The following FAM83G variants were observed in gnomAD, a reference collection of about 807,000 sequenced individuals.
FAM83G encodes protein FAM83G.
FAM83G carries 38 observed loss-of-function variants against 61.5 expected under a neutral mutation model. The ratio of observed to expected loss-of-function variants is 0.62; its 90% CI spans 0.48 to 0.81. The LOEUF (loss-of-function observed/expected upper bound fraction) is 0.81, where lower values mean the gene tolerates loss of function less well. Ranked by LOEUF, FAM83G falls within the 30% of genes least tolerant of loss-of-function variation. The pLI is 0.00. For missense variants in FAM83G, 989 were observed against 1,133.6 expected (o/e 0.87, Z 1.83); for synonymous variants, 470 against 476.1 (o/e 0.99, Z 0.17).
chr17:19,002,661 C>A (rs866572386), intron 2 of FAM83G, among the ~76,000 whole-genome samples: 2 of 152,206 alleles, frequency 1.3e-5, no homozygotes, highest in Non-Finnish European at 2.9e-5. Context: ...TGAGAAGGTA[C>A]TTACGTGCAG....
At chr17:18,995,025 C>T (rs1294099412) in intron 2 of FAM83G, among the ~76,000 whole-genome samples, 1 of 152,208 alleles carries the variant, frequency 6.6e-6, no homozygotes, top group East Asian at 1.9e-4. Context: ...AGTAACCTAA[C>T]TGCATCCCAG....
At chr17:18,973,888 T>TG (rs2042915835) in intron 5 of FAM83G, among the ~76,000 whole-genome samples, 1 of 116,894 alleles carries the variant, frequency 8.6e-6, no homozygotes, top group Admixed American at 8.1e-5. Flanking sequence ...TTTTAAGTTT[T>TG]TTTTTTTTTT....
chr17:18,975,263 C>T (rs1597841845), intron 5 of FAM83G, among the ~76,000 whole-genome samples: 1 of 152,360 alleles, frequency 6.6e-6, no homozygotes, highest in Non-Finnish European at 1.5e-5. Context: ...AGGACAGCAG[C>T]TTGCCCTGCG....
In FAM83G at chr17:19,004,122, G is replaced by A; in HGVS notation, c.-81C>T. 7.3e-7 allele frequency: 1 copy of A among 1,370,118 alleles called. No individual in the cohort carries two copies. Among genetic ancestry groups the A allele is most frequent in the Non-Finnish European group, 9.9e-7 (1 of 1,008,926 alleles). The allele number at this position is 1,370,118 out of a possible 1,614,324, so 84.9% of individuals were successfully genotyped here. A position where few individuals can be genotyped will look rare whatever the true frequency, so the allele number is the denominator to read the frequency against. ...AGCTCCGGCCCAGCTGGGGCACCGC[G>A]CGCTCGGGGGCCTCTCCGCGGCCTC... On this transcript the variant is annotated 5_prime_UTR_variant, in exon 2 of 6. Transcript: ENST00000388995. The surrounding 1 kb of genome is among the most constrained non-coding windows in gnomAD (Gnocchi z 5.4).
intron 2 of FAM83G, among the ~76,000 whole-genome samples, chr17:18,990,108 C>T (rs559838301): frequency 2.6e-4 from 40 of 152,292 alleles, no homozygotes; most frequent in Admixed American, 1.1e-3. Flanking sequence ...GCAGGGTCTA[C>T]GACTCGCAGG....
Position 18,979,553 on chromosome 17 carries a change from A to G in FAM83G, c.811T>C (p.Tyr271His). Residue 271 changes from tyrosine (Y) to histidine (H), a missense_variant, in exon 4 of 6, where the codon TAC (tyrosine) becomes CAC (histidine). Tyr to His is a moderately conservative substitution (Grantham distance 83). Transcript: ENST00000388995. ...VDGDRAVCGSYSFTWSAARTD... is the reference protein window; with the variant it reads ...VDGDRAVCGSHSFTWSAARTD... The stretch of plus-strand genomic sequence containing the variant: ...CCCTGAAAGCTGGAGAGTCACCTGT[A>G]GGAGCCGCACACAGCCCGGTCTCCA... 6.2e-7 allele frequency: 1 copy of G among 1,613,160 alleles called. No homozygotes were observed. The highest frequency in any genetic ancestry group is 8.5e-7 in the Non-Finnish European group (1 of 1,179,850).
intron 2 of FAM83G, among the ~76,000 whole-genome samples, chr17:18,995,212 A>G (rs1567802388): frequency 6.6e-6 from 1 of 152,238 alleles, no homozygotes; most frequent in East Asian, 1.9e-4. Context: ...CAGATGTTAG[A>G]ACTGGCAGAT....
At chr17:18,985,532 A>G (rs2043248115) in intron 3 of FAM83G, among the ~76,000 whole-genome samples, 1 of 152,012 alleles carries the variant, frequency 6.6e-6, no homozygotes, top group Admixed American at 6.5e-5. Context: ...CGGCAAAGGA[A>G]GTGCTCCCGG....
intron 3 of FAM83G, among the ~76,000 whole-genome samples, chr17:18,986,671 C>A (rs1477653335): frequency 6.6e-6 from 1 of 152,248 alleles, no homozygotes; most frequent in Non-Finnish European, 1.5e-5. Context: ...GAAGGCGAGG[C>A]CTCTGGAGTG....
intron 4 of FAM83G, 106 bp from the exon 5 acceptor site, chr17:18,978,956 T>C: frequency 7.6e-7 from 1 of 1,316,124 alleles, no homozygotes. Flanking sequence ...CACAGGGCCC[T>C]GGGATCAAGA....
chr17:18,987,914 C>T (rs2043311283), intron 3 of FAM83G, among the ~76,000 whole-genome samples: 2 of 152,228 alleles, frequency 1.3e-5, no homozygotes, highest in Non-Finnish European at 2.9e-5. Context: ...AGCACACTAT[C>T]ACCAGAGGTA....
intron 2 of FAM83G, among the ~76,000 whole-genome samples, chr17:18,999,496 C>T (rs994620778): frequency 4.6e-5 from 7 of 152,134 alleles, no homozygotes; most frequent in South Asian, 2.1e-4. Flanking sequence ...TTGCCATCTC[C>T]GAGCCCCACC....
Position 19,000,426 on chromosome 17 carries a change from G to A in FAM83G, c.522+3094C>T, listed in dbSNP as rs1222309742. Among the ~76,000 whole-genome samples the A allele has an allele frequency of 1.3e-5, 2 of 152,206 alleles. No individual in the cohort carries two copies. The highest frequency in any genetic ancestry group is 3.2e-3 in the Middle Eastern group (1 of 316). On this transcript the variant is annotated intron_variant, in intron 2 of 5. Coordinates refer to ENST00000388995, the MANE Select transcript of FAM83G (RefSeq NM_001039999.3). This position sits in a 1 kb window ranked among gnomAD's most constrained non-coding sequence, Gnocchi z 5.2. Reference sequence around the variant, plus strand: ...GGGCTTGTTCCAGGTCCCACAGTCAGGCAGAGGCAGAGCACGGACTCTTGG... The same window carrying A: ...GGGCTTGTTCCAGGTCCCACAGTCAAGCAGAGGCAGAGCACGGACTCTTGG...
chr17:18,980,343 C>T (rs768667083), intron 3 of FAM83G, among the ~76,000 whole-genome samples: 1 of 152,092 alleles, frequency 6.6e-6, no homozygotes, highest in Admixed American at 6.5e-5. Context: ...AATTCTGTGC[C>T]GGCTTACACT....
intron 2 of FAM83G, among the ~76,000 whole-genome samples, chr17:18,992,285 C>T (rs567406755): frequency 1.3e-5 from 2 of 152,154 alleles, no homozygotes; most frequent in Non-Finnish European, 2.9e-5. Flanking sequence ...GGACATCCGC[C>T]TCCATGTGAG....
At position 18,978,405 on chromosome 17, in the gene FAM83G, G is replaced by A. The variant is rs776341618; in HGVS notation, c.1261C>T (p.Pro421Ser). The A allele has an allele frequency of 6.3e-7, 1 of 1,591,098 alleles. No individual in the cohort carries two copies. The highest frequency in any genetic ancestry group is 1.1e-5 in the South Asian group (1 of 88,770). The change falls in exon 5 of 6, where the codon CCT (proline) becomes TCT (serine). Residue 421 changes from proline to serine, a missense_variant. Transcript: ENST00000388995. ...LPTWVEPDPEPGSDILGYINI... is the reference protein window; with the variant it reads ...LPTWVEPDPESGSDILGYINI... The stretch of plus-strand genomic sequence containing the variant: ...ATGTAGCCCAGGATGTCGCTGCCAG[G>A]CTCCGGGTCTGGCTCCACCCACGTG...
chr17:18,980,220 T>A (rs933142277), intron 3 of FAM83G, among the ~76,000 whole-genome samples: 4 of 152,156 alleles, frequency 2.6e-5, no homozygotes, highest in African/African-American at 9.7e-5. Context: ...TCAACACCCC[T>A]GTCTCTGCTG....
chr17:18,969,472 T>A lies in FAM83G; in HGVS notation c.*1887A>T. 1 of 1,557,066 alleles carries A rather than the reference T, an allele frequency of 6.4e-7. No individual in the cohort carries two copies. Among genetic ancestry groups the A allele is most frequent in the Non-Finnish European group, 8.8e-7 (1 of 1,131,128 alleles). On this transcript the variant is annotated 3_prime_UTR_variant, in exon 6 of 6. Coordinates refer to ENST00000388995, the MANE Select transcript of FAM83G (RefSeq NM_001039999.3). ...GCGGGGCTGTCCCCACAGCGAGCCC[T>A]TTGGAGTCTGGCACTGCCCGGCACT...
Position 18,978,290 on chromosome 17 carries a change from T to A in FAM83G, c.1376A>T (p.His459Leu). 1 of 1,610,890 alleles carries A rather than the reference T, an allele frequency of 6.2e-7. No individual in the cohort carries two copies. The change falls in exon 5 of 6, where the codon CAC (histidine) becomes CTC (leucine). Residue 459 changes from histidine to leucine, a missense_variant. Coordinates refer to ENST00000388995, the MANE Select transcript of FAM83G (RefSeq NM_001039999.3). ...GTCCTGGCTCTGCTTCCACAGCTGG[T>A]GCTGGGCGCTGGCCTGGGAGGTGTC... ...IRDTSQASAQ[H>L]QLWKQSQDSR...
Sources: allele counts gnomAD v4.1 joint callset (sites outside exome capture counted in the v4.1 genomes callset), GRCh38; gene constraint gnomAD v4.1.1; non-coding constraint Gnocchi (gnomAD v3.1); transcripts MANE v1.5; gene names NCBI Gene and HGNC (gene_info 2026-07-23, HGNC 2026-07-21).